FADS2: variants seen among roughly 807,000 people sequenced by gnomAD.
FADS2 encodes acyl-CoA 6-desaturase.
A neutral mutation model predicts 61.2 loss-of-function variants in FADS2; 18 were observed. That is an observed-to-expected ratio of 0.29 (90% CI 0.20 to 0.44). The LOEUF is 0.44. Among genes scored for constraint, FADS2 ranks in the 20% least tolerant of loss-of-function variants. The pLI is 1.00. For missense variants in FADS2, 322 were observed against 572.7 expected, an observed-to-expected ratio of 0.56 and a Z score of 4.47; for synonymous variants, 203 against 223.9, an observed-to-expected ratio of 0.91 and a Z score of 0.83.
intron 9 of FADS2, 114 bp from the exon 10 acceptor site, chr11:61,863,593 G>A (rs1053698985): frequency 5.6e-6 from 5 of 890,602 alleles, no homozygotes; most frequent in Admixed American, 2.1e-5. Flanking sequence ...CAGGCAGGAC[G>A]GTATGATGTG....
chr11:61,859,806 G>A lies in FADS2; in HGVS notation c.882+2276G>A, dbSNP rs532074737. Among the ~76,000 whole-genome samples the A allele has an allele frequency of 3.9e-5, 6 of 152,226 alleles. No individual in the cohort carries two copies. In the South Asian group the frequency reaches 1.2e-3, roughly 32 times the overall value. On this transcript the variant is annotated intron_variant, in intron 7 of 11. Coordinates refer to ENST00000278840, the MANE Select transcript of FADS2 (RefSeq NM_004265.4). ...TCGAGACCAGCCTGGCCAGCATGGTGAAACCCCGTCTCTACTAAAAATACA... is the reference window on the plus strand; with the variant it reads ...TCGAGACCAGCCTGGCCAGCATGGTAAAACCCCGTCTCTACTAAAAATACA...
intron 2 of FADS2, 90 bp from the exon 3 acceptor site, chr11:61,840,244 T>G (rs1282300588): frequency 9.2e-7 from 1 of 1,084,846 alleles, no homozygotes; most frequent in Non-Finnish European, 1.4e-6. Flanking sequence ...CTCTGGGTTG[T>G]GCATTGGCTG....
intron 1 of FADS2, among the ~76,000 whole-genome samples, 164 bp from the exon 2 acceptor site, chr11:61,837,614 T>C (rs1405633305): frequency 6.6e-6 from 1 of 152,176 alleles, no homozygotes; most frequent in Non-Finnish European, 1.5e-5. Flanking sequence ...GAGGGCTCTG[T>C]CCTGGAAAAA....
intron 1 of FADS2, among the ~76,000 whole-genome samples, chr11:61,837,342 C>A (rs174577): frequency 0.38 from 57,239 of 151,998 alleles, 11,466 homozygotes; most frequent in East Asian, 0.55. Flanking sequence ...TTTCATTGAC[C>A]ACCCTGGACA....
intron 2 of FADS2, 94 bp from the exon 3 acceptor site, chr11:61,840,240 G>A (rs1222957623): frequency 9.5e-7 from 1 of 1,053,608 alleles, no homozygotes; most frequent in African/African-American, 1.6e-5. Context: ...GCTTCTCTGG[G>A]TTGTGCATTG....
upstream of FADS2, among the ~76,000 whole-genome samples, chr11:61,825,393 A>C (rs656887): frequency 6.6e-6 from 1 of 151,838 alleles, no homozygotes; most frequent in African/African-American, 2.4e-5. Flanking sequence ...TGAGGTGGGC[A>C]GATCACCTGA....
rs889946870 is a variant in FADS2, at chr11:61,837,977, G to T, written c.318+89G>T. On this transcript the variant is annotated intron_variant, in intron 2 of 11. Transcript: ENST00000278840. ...AGAGGCTCCCCTTGCCCCATGACCA[G>T]TAACTGGGGCTGAGGCAGGGGTGCT... The T allele has an allele frequency of 1.0e-5, 9 of 896,386 alleles. No homozygotes were observed. In the Admixed American group the frequency reaches 1.6e-4, roughly 16 times the overall value. 55.5% of individuals were successfully genotyped at this position (896,386 alleles called of 1,614,324 possible).
chr11:61,843,828 T>C (rs957895832), intron 4 of FADS2, among the ~76,000 whole-genome samples: 1 of 152,090 alleles, frequency 6.6e-6, no homozygotes, highest in Non-Finnish European at 1.5e-5. Context: ...CCAGCTAATT[T>C]TTTTGTATTT....
chr11:61,850,470 T>C (rs1299365093), intron 5 of FADS2, among the ~76,000 whole-genome samples: 1 of 152,084 alleles, frequency 6.6e-6, no homozygotes, highest in Non-Finnish European at 1.5e-5. Context: ...AGGCTGGTCT[T>C]GAACTCCTGA....
intron 1 of FADS2, chr11:61,821,246 A>G (rs2067034218): frequency 1.7e-6 from 1 of 582,686 alleles, no homozygotes; most frequent in Admixed American, 3.0e-5. Flanking sequence ...CAGGCCAGGC[A>G]CAGTGACTCG....
chr11:61,862,948 A>C lies in FADS2; in HGVS notation c.883-24A>C, dbSNP rs747792353. On this transcript the variant is annotated intron_variant, in intron 7 of 11. Coordinates refer to ENST00000278840, the MANE Select transcript of FADS2 (RefSeq NM_004265.4). Reference sequence around the variant, plus strand: ...CAGGGCAGAGGAGAGGGCAGGTTGCACCTAACTTCATCTTTCCCCGCAGGA... The same window carrying C: ...CAGGGCAGAGGAGAGGGCAGGTTGCCCCTAACTTCATCTTTCCCCGCAGGA... 2.5e-6 allele frequency: 4 copies of C among 1,602,144 alleles called. No homozygotes were observed. In the African/African-American group the frequency reaches 4.0e-5, roughly 16 times the overall value.
At chr11:61,852,421 C>T (rs174595) in intron 5 of FADS2, among the ~76,000 whole-genome samples, 24,694 of 152,000 alleles carry the variant, frequency 0.16, 2,593 homozygotes, top group Admixed American at 0.26. Flanking sequence ...CCACCATGCC[C>T]GGCTAATTCT....
intron 7 of FADS2, among the ~76,000 whole-genome samples, chr11:61,858,459 A>C (rs927578230): frequency 1.3e-5 from 2 of 152,070 alleles, no homozygotes; most frequent in Non-Finnish European, 2.9e-5. Flanking sequence ...GATTACAGGC[A>C]TGAGCCACCA....
At chr11:61,838,772 C>T (rs1025339566) in intron 2 of FADS2, among the ~76,000 whole-genome samples, 4 of 152,176 alleles carry the variant, frequency 2.6e-5, no homozygotes, top group African/African-American at 9.7e-5. Context: ...TGTACCCATG[C>T]CAGCCCATGC....
intron 5 of FADS2, chr11:61,856,786 T>C: frequency 1.8e-6 from 1 of 561,570 alleles, no homozygotes; most frequent in East Asian, 2.9e-5. Flanking sequence ...GGGCCAGTGC[T>C]CGGCTAGGGC....
rs1168465271 is a variant in FADS2 at position 61,857,545 on chromosome 11, C to T, written c.882+15C>T. The T allele has an allele frequency of 1.9e-6, 3 of 1,609,304 alleles. No individual in the cohort carries two copies. The highest frequency in any genetic ancestry group is 2.6e-6 in the Non-Finnish European group (3 of 1,175,856). ...AGAACTGGGTGGTGAGTTGGGGACA[C>T]AGCTGGCTTGGCATGGGGAGGAGGG... On this transcript the variant is annotated intron_variant, in intron 7 of 11. Transcript: ENST00000278840.
At chr11:61,856,853 G>T in intron 5 of FADS2, 158 bp from the exon 6 acceptor site, 1 of 679,364 alleles carries the variant, frequency 1.5e-6, no homozygotes. Flanking sequence ...GGCTGGAGGG[G>T]CCCCAGGCTT....
At chr11:61,863,128 G>A (rs1218521440) in intron 8 of FADS2, 59 bp downstream of exon 8, 2 of 1,535,220 alleles carry the variant, frequency 1.3e-6, no homozygotes, top group Non-Finnish European at 9.0e-7. Context: ...GATGGCTTTG[G>A]CATGAGAAGA....
rs1172843122 is a variant in FADS2, at chr11:61,844,924, C to CA, written c.619-3223dup. On this transcript the variant is annotated intron_variant, in intron 4 of 11. Coordinates refer to ENST00000278840, the MANE Select transcript of FADS2 (RefSeq NM_004265.4). ...TGGGCGACAGAGGAAGACTCCGTCT[C>CA]AAAAAAAAAAAAGAAAAAAGAAAAA... Among the ~76,000 whole-genome samples the CA allele has an allele frequency of 8.9e-3, 554 of 62,574 alleles. 3 individuals are homozygous for CA. Among genetic ancestry groups the CA allele is most frequent in the African/African-American group, 0.023 (373 of 15,894 alleles). 41.1% of individuals were successfully genotyped at this position (62,574 alleles called of 152,430 possible). A position where few individuals can be genotyped will look rare whatever the true frequency, so the allele number is the denominator to read the frequency against.
Sources: allele counts gnomAD v4.1 joint callset (sites outside exome capture counted in the v4.1 genomes callset), GRCh38; gene constraint gnomAD v4.1.1; transcripts MANE v1.5; gene names NCBI Gene and HGNC (gene_info 2026-07-23, HGNC 2026-07-21).